The following FCHSD1 variants were observed in gnomAD, a reference collection of about 807,000 sequenced individuals.
FCHSD1 encodes the protein F-BAR and double SH3 domains protein 1.
In FCHSD1, 109 loss-of-function variants were observed where a neutral mutation model predicts 101.3. The ratio of observed to expected loss-of-function variants is 1.08; its 90% CI spans 0.92 to 1.26. FCHSD1 has a LOEUF of 1.26. Among genes scored for constraint, FCHSD1 ranks in the 50% most tolerant of loss-of-function variants. The probability of loss-of-function intolerance (pLI) is 0.00; values close to 1 mark genes in which losing one functional copy is unlikely to be tolerated. For synonymous variants in FCHSD1, 291 were observed against 356.8 expected, an observed-to-expected ratio of 0.82 and a Z score of 2.08; for missense variants, 820 against 895.8, an observed-to-expected ratio of 0.92 and a Z score of 1.08.
intron 18 of FCHSD1, chr5:141,642,542 A>T (rs1454776196): frequency 5.7e-6 from 3 of 522,356 alleles, no homozygotes; most frequent in Non-Finnish European, 1.0e-5. Context: ...ATAGACATTT[A>T]AAAAAGAAAA....
intron 18 of FCHSD1, chr5:141,642,489 A>T: frequency 1.6e-6 from 1 of 626,932 alleles, no homozygotes; most frequent in Non-Finnish European, 2.8e-6. Flanking sequence ...AAACAAGCAC[A>T]TGTACCTCCT....
Position 141,644,902 on chromosome 5 carries a change from C to T in FCHSD1, c.1481G>A (p.Trp494Ter). Residue 494 changes from tryptophan to a stop codon, truncating the protein, a stop_gained, in exon 15 of 20, where the codon TGG becomes TAG. Transcript: ENST00000435817. LOFTEE classifies it high-confidence loss of function. Reference sequence around the variant, plus strand: ...ATCTCCCTCCTCTATGACCTCCAGCCACTCACCCTCCGTGATTGTCAGCTC... The same window carrying T: ...ATCTCCCTCCTCTATGACCTCCAGCTACTCACCCTCCGTGATTGTCAGCTC... ...EDELTITEGE[W>*]LEVIEEGDAD... 4.3e-6 allele frequency: 7 copies of T among 1,613,924 alleles called. No homozygotes were observed. The highest frequency in any genetic ancestry group is 5.9e-6 in the Non-Finnish European group (7 of 1,179,870).
intron 8 of FCHSD1, 88 bp from the exon 9 acceptor site, chr5:141,647,608 C>T: frequency 1.9e-6 from 3 of 1,574,820 alleles, no homozygotes; most frequent in Non-Finnish European, 2.6e-6. Flanking sequence ...AGGTGATGGG[C>T]ATGAGGTATA....
chr5:141,646,325 G>T, intron 11 of FCHSD1, 134 bp from the exon 12 acceptor site: 3 of 993,614 alleles, frequency 3.0e-6, no homozygotes, highest in Non-Finnish European at 4.6e-6. Flanking sequence ...TGCTATTATT[G>T]GCCCTACTTT....
chr5:141,641,048 A>G lies in FCHSD1; in HGVS notation c.*450T>C. ...CGTGCCCTTTATTCATTGTCAATAA[A>G]TCCGCTCAGACCATTACAGCTGCTT... On this transcript the variant is annotated 3_prime_UTR_variant, in exon 20 of 20. Coordinates refer to ENST00000435817, the MANE Select transcript of FCHSD1 (RefSeq NM_033449.3). 2.9e-6 allele frequency: 1 copy of G among 341,386 alleles called. No individual in the cohort carries two copies. The highest frequency in any genetic ancestry group is 8.7e-5 in the South Asian group (1 of 11,486). The allele number at this position is 341,386 out of a possible 1,614,324, so 21.1% of individuals were successfully genotyped here.
chr5:141,639,875 C>T lies in FCHSD1; in HGVS notation c.*1623G>A. 6.2e-7 allele frequency: 1 copy of T among 1,601,242 alleles called. No individual in the cohort carries two copies. On this transcript the variant is annotated 3_prime_UTR_variant, in exon 20 of 20. Transcript: ENST00000435817. The surrounding 1 kb of genome is among the most constrained non-coding windows in gnomAD (Gnocchi z 4.4). Reference sequence around the variant, plus strand: ...CTGGTCAGAGGGGAGGGCCAAGCAGCCTCTGAGTTGTGGTCCTAAACCCCA... The same window carrying T: ...CTGGTCAGAGGGGAGGGCCAAGCAGTCTCTGAGTTGTGGTCCTAAACCCCA...
At chr5:141,648,797 G>A (rs928628198) in intron 7 of FCHSD1, among the ~76,000 whole-genome samples, 160 bp downstream of exon 7, 10 of 152,050 alleles carry the variant, frequency 6.6e-5, no homozygotes, top group Non-Finnish European at 1.2e-4. Flanking sequence ...AAGAAAATAA[G>A]GCTCACAGAG....
Position 141,641,472 on chromosome 5 carries a change from A to G in FCHSD1, c.*26T>C, listed in dbSNP as rs1488599278. On this transcript the variant is annotated 3_prime_UTR_variant, in exon 20 of 20. Transcript: ENST00000435817. ...GCTTGAAGATAGGGACAGCAGCATC[A>G]CTGGGGGTCAAGGCTTCCCTGGCCT... The G allele has an allele frequency of 6.8e-7, 1 of 1,466,386 alleles. No homozygotes were observed. The allele number at this position is 1,466,386 out of a possible 1,614,324, so 90.8% of individuals were successfully genotyped here.
At chr5:141,643,367 T>G (rs1179559233) in intron 17 of FCHSD1, among the ~76,000 whole-genome samples, 1 of 152,220 alleles carries the variant, frequency 6.6e-6, no homozygotes, top group Non-Finnish European at 1.5e-5. Flanking sequence ...TTTAATAATA[T>G]GACTCCTATG....
At chr5:141,644,832 G>T in intron 15 of FCHSD1, 27 bp downstream of exon 15, 1 of 1,611,308 alleles carries the variant, frequency 6.2e-7, no homozygotes, top group South Asian at 1.1e-5. Context: ...CCCAACCCAA[G>T]GTCAGAGCCC....
rs185926620 is a variant in FCHSD1 at position 141,646,472 on chromosome 5, C to T, written c.1044+131G>A. The T allele has an allele frequency of 3.3e-5, 45 of 1,379,808 alleles. No individual in the cohort carries two copies. The African/African-American group carries it at 5.9e-4, about 18-fold the overall frequency. The allele number at this position is 1,379,808 out of a possible 1,614,324, so 85.5% of individuals were successfully genotyped here. On this transcript the variant is annotated intron_variant, in intron 11 of 19. Transcript: ENST00000435817. ...CTGTGCTCTTAACTATTGTGCCACA[C>T]TGTTACCTTAAAATACCTTTCCCTC...
Position 141,651,041 on chromosome 5 carries a change from G to T in FCHSD1, c.98C>A (p.Ala33Glu), listed in dbSNP as rs2154598537. ...SILQTWQQRE[A>E]DLLEDIRSYS... is the part of the protein sequence containing the mutation. ...CTACCTGATGTCCTCCAGCAGATCCGCCTCCCTCTGCTGCCAGGTCTGAAG... is the reference window on the plus strand; with the variant it reads ...CTACCTGATGTCCTCCAGCAGATCCTCCTCCCTCTGCTGCCAGGTCTGAAG... The change falls in exon 2 of 20, where the codon GCG becomes GAG. Residue 33 changes from alanine to glutamate, a missense_variant. Ala to Glu is a moderately radical substitution (Grantham distance 107, BLOSUM62 -1). Transcript: ENST00000435817. 1.9e-6 allele frequency: 3 copies of T among 1,595,426 alleles called. No homozygotes were observed. Among genetic ancestry groups the T allele is most frequent in the Non-Finnish European group, 2.6e-6 (3 of 1,170,488 alleles).
At chr5:141,647,839 A>G in intron 8 of FCHSD1, 129 bp downstream of exon 8, 2 of 1,324,480 alleles carry the variant, frequency 1.5e-6, no homozygotes, top group Non-Finnish European at 2.1e-6. Context: ...GAGTGCATGT[A>G]TGTATCATCT....
chr5:141,650,675 C>T (rs1387345210), intron 2 of FCHSD1, among the ~76,000 whole-genome samples: 1 of 152,094 alleles, frequency 6.6e-6, no homozygotes. Flanking sequence ...GAGGTGAAGA[C>T]TGATGGGGGC....
chr5:141,650,305 G>A (rs2099908213), intron 3 of FCHSD1, 54 bp downstream of exon 3: 3 of 1,607,788 alleles, frequency 1.9e-6, no homozygotes, highest in African/African-American at 1.3e-5. Context: ...AGACATTACT[G>A]GTGATATAAG....
chr5:141,643,157 C>T (rs2099907175), intron 17 of FCHSD1, 69 bp from the exon 18 acceptor site: 1 of 1,250,914 alleles, frequency 8.0e-7, no homozygotes, highest in Non-Finnish European at 1.1e-6. Context: ...TCCTCTCATC[C>T]CATCTCCAGT....
Position 141,640,768 on chromosome 5 carries a change from G to GGTCCCTC in FCHSD1, c.*729_*730insGAGGGAC. The GGTCCCTC allele has an allele frequency of 2.5e-6, 3 of 1,192,826 alleles. No homozygotes were observed. The highest frequency in any genetic ancestry group is 3.5e-6 in the Non-Finnish European group (3 of 860,410). 73.9% of individuals were successfully genotyped at this position (1,192,826 alleles called of 1,614,324 possible). On this transcript the variant is annotated 3_prime_UTR_variant, in exon 20 of 20. Coordinates refer to ENST00000435817, the MANE Select transcript of FCHSD1 (RefSeq NM_033449.3). ...CACTGGACAGCACTGCCCCCCAGCT[G>GGTCCCTC]AGGGACCAGCTCTACTTCCACCTGG...
intron 8 of FCHSD1, 151 bp downstream of exon 8, chr5:141,647,817 G>C (rs1380553705): frequency 2.1e-5 from 25 of 1,196,860 alleles, no homozygotes; most frequent in Non-Finnish European, 2.7e-5. Flanking sequence ...CAGCCAGCTA[G>C]GAGCAGAACC....
At position 141,640,746 on chromosome 5, in the gene FCHSD1, T is replaced by C; in HGVS notation, c.*752A>G. 7.4e-7 allele frequency: 1 copy of C among 1,349,770 alleles called. No homozygotes were observed. Among genetic ancestry groups the C allele is most frequent in the South Asian group, 1.3e-5 (1 of 75,828 alleles). 83.6% of individuals were successfully genotyped at this position (1,349,770 alleles called of 1,614,324 possible). On this transcript the variant is annotated 3_prime_UTR_variant, in exon 20 of 20. Coordinates refer to ENST00000435817, the MANE Select transcript of FCHSD1 (RefSeq NM_033449.3). ...TGGGCGTGAAAGCCCTCCCCTCCAC[T>C]GGACAGCACTGCCCCCCAGCTGAGG... is the stretch of plus-strand genomic sequence containing the variant.
Sources: allele counts gnomAD v4.1 joint callset (sites outside exome capture counted in the v4.1 genomes callset), GRCh38; gene constraint gnomAD v4.1.1; non-coding constraint Gnocchi (gnomAD v3.1); transcripts MANE v1.5; gene names NCBI Gene and HGNC (gene_info 2026-07-23, HGNC 2026-07-21).